The following FGF13 variants were observed in gnomAD, a reference collection of about 807,000 sequenced individuals.
The protein encoded by FGF13 is fibroblast growth factor 13.
FGF13 carries 2 observed loss-of-function variants against 19.5 expected under a neutral mutation model. The observed-to-expected ratio is 0.10, with a 90% CI of 0.04 to 0.32. The LOEUF (loss-of-function observed/expected upper bound fraction) is 0.32. Among genes scored for constraint, FGF13 ranks in the 10% least tolerant of loss-of-function variants. The pLI, the probability that FGF13 is intolerant of heterozygous loss-of-function variation, is 1.00. For synonymous variants in FGF13, 72 were observed against 76.9 expected (o/e 0.94, Z 0.33); for missense variants, 113 against 192.7 (o/e 0.59, Z 2.45).
intron 3 of FGF13, chrX:138,806,748 T>C (rs2090871278): frequency 9.0e-6 from 1 of 110,894 alleles, no homozygotes; most frequent in South Asian, 3.9e-4. Context: ...GACAGAAGGA[T>C]GAAGTTCATC....
At position 138,814,972 on chromosome X, in the gene FGF13, A is replaced by C. The variant is rs137888683; in HGVS notation, c.217+42540T>G. Among the ~76,000 whole-genome samples, 86 of 111,862 alleles carry C rather than the reference A, an allele frequency of 7.7e-4. No individual in the cohort carries two copies. The East Asian group carries it at 0.021, about 27-fold the overall frequency. On this transcript the variant is annotated intron_variant, in intron 3 of 6. Transcript: ENST00000436198. ...ATCAGTGGGTGAATGGATACATAAAATGTGGTCTATATACACAATGAAACA... is the reference window on the plus strand; with the variant it reads ...ATCAGTGGGTGAATGGATACATAAACTGTGGTCTATATACACAATGAAACA...
intron 3 of FGF13, among the ~76,000 whole-genome samples, chrX:138,636,849 T>C (rs1033938302): frequency 1.8e-5 from 2 of 111,891 alleles, no homozygotes; most frequent in Admixed American, 9.5e-5. Context: ...ATTTTTCATA[T>C]TGGATACCAT....
intron 3 of FGF13, among the ~76,000 whole-genome samples, chrX:138,789,331 G>C (rs911901472): frequency 7.5e-5 from 8 of 106,491 alleles, no homozygotes; most frequent in Non-Finnish European, 1.5e-4. Flanking sequence ...ACTACCCTCA[G>C]CTAATTTCCG....
At chrX:138,663,921 T>A in intron 3 of FGF13, among the ~76,000 whole-genome samples, 1 of 111,593 alleles carries the variant, frequency 9.0e-6, no homozygotes, top group Admixed American at 9.5e-5. Context: ...TCTAAAGTCA[T>A]GGTGGGGAAT....
At position 139,073,201 on chromosome X, in the gene FGF13, T is replaced by C. The variant is rs765668695; in HGVS notation, c.-113+130215A>G. Among the ~76,000 whole-genome samples the C allele has an allele frequency of 6.5e-5, 7 of 106,968 alleles. No homozygotes were observed. In the East Asian group the frequency reaches 2.1e-3, roughly 32 times the overall value. 92.9% of individuals were successfully genotyped at this position (106,968 alleles called of 115,157 possible). A position where few individuals can be genotyped will look rare whatever the true frequency, so the allele number is the denominator to read the frequency against. On this transcript the variant is annotated intron_variant, in intron 1 of 2. Coordinates refer to the FGF13 transcript ENST00000421460. ...CCCATGGGGTTTGTAATTTGAGTTT[T>C]CTATACTTTTCTCTACAAAACTCAC...
intron 1 of FGF13, among the ~76,000 whole-genome samples, chrX:139,084,181 A>G (rs1283717940): frequency 1.8e-5 from 2 of 110,746 alleles, no homozygotes; most frequent in Admixed American, 1.9e-4. Context: ...AAAAGAAAAT[A>G]AAACAGGAGG....
At chrX:139,100,359 G>A (rs943645014) in intron 1 of FGF13, among the ~76,000 whole-genome samples, 2 of 110,027 alleles carry the variant, frequency 1.8e-5, no homozygotes, top group Admixed American at 2.0e-4. Context: ...TGGTGGGAGA[G>A]AGAGAGGAGG....
intron 3 of FGF13, among the ~76,000 whole-genome samples, chrX:138,638,556 G>A (rs777654016): frequency 4.5e-5 from 5 of 111,691 alleles, no homozygotes; most frequent in African/African-American, 1.3e-4. Flanking sequence ...AGCTCCAGAT[G>A]GTAGGGAACT....
intron 1 of FGF13, among the ~76,000 whole-genome samples, chrX:139,191,655 G>A (rs2084330159): frequency 9.0e-6 from 1 of 111,316 alleles, no homozygotes; most frequent in African/African-American, 3.3e-5. Context: ...GAAGGGGTGG[G>A]GGTGCACCTA....
At chrX:139,187,581 C>A (rs1007408190) in intron 1 of FGF13, among the ~76,000 whole-genome samples, 2 of 111,507 alleles carry the variant, frequency 1.8e-5, no homozygotes, top group African/African-American at 6.5e-5. Context: ...CCTGAGGCCT[C>A]TAATCTTAGC....
At chrX:138,686,386 A>G (rs1225866189) in intron 3 of FGF13, among the ~76,000 whole-genome samples, 1 of 112,037 alleles carries the variant, frequency 8.9e-6, no homozygotes. Flanking sequence ...TGTGCCAGAA[A>G]TGAACAATTT....
chrX:138,812,666 T>A (rs1258721346), intron 3 of FGF13, among the ~76,000 whole-genome samples: 1 of 111,787 alleles, frequency 8.9e-6, no homozygotes, highest in Non-Finnish European at 1.9e-5. Flanking sequence ...TTACACATGT[T>A]TTTACATGAA....
intron 1 of FGF13, among the ~76,000 whole-genome samples, chrX:138,916,054 T>G (rs1205790078): frequency 8.9e-6 from 1 of 111,953 alleles, no homozygotes; most frequent in Non-Finnish European, 1.9e-5. Flanking sequence ...GTTTGGGTAA[T>G]TTCTTTTTCA....
At chrX:138,660,885 G>A (rs990156107) in intron 3 of FGF13, among the ~76,000 whole-genome samples, 1 of 111,396 alleles carries the variant, frequency 9.0e-6, no homozygotes. Flanking sequence ...ACAGTTGGGG[G>A]AATTACACAG....
At chrX:139,034,031 T>C (rs1159887900) in intron 1 of FGF13, among the ~76,000 whole-genome samples, 1 of 111,733 alleles carries the variant, frequency 8.9e-6, no homozygotes, top group Non-Finnish European at 1.9e-5. Context: ...GGCGTCCTTC[T>C]CTAAAAATGA....
At chrX:139,102,396 C>G (rs1318714968) in intron 1 of FGF13, among the ~76,000 whole-genome samples, 1 of 111,504 alleles carries the variant, frequency 9.0e-6, no homozygotes, top group African/African-American at 3.3e-5. Context: ...AAGTCATTGT[C>G]AGCACAGCAT....
intron 1 of FGF13, among the ~76,000 whole-genome samples, chrX:138,905,993 A>C (rs2091556381): frequency 9.0e-6 from 1 of 111,620 alleles, no homozygotes; most frequent in Non-Finnish European, 1.9e-5. Context: ...GCAGATGGAA[A>C]TGAAACATCC....
chrX:138,897,915 GA>G (rs1407212898), intron 1 of FGF13, among the ~76,000 whole-genome samples: 1 of 111,243 alleles, frequency 9.0e-6, no homozygotes, highest in Non-Finnish European at 1.9e-5. Context: ...TTATCTTGAT[GA>G]GGTCAAATAT....
chrX:138,758,697 C>CA (rs1040333840), intron 3 of FGF13, among the ~76,000 whole-genome samples: 7 of 111,112 alleles, frequency 6.3e-5, no homozygotes, highest in African/African-American at 2.3e-4. Flanking sequence ...TGCTTTTCAG[C>CA]AAAAAAAGAG....
Sources: gnomAD v4.1 joint callset for allele counts (sites outside exome capture counted in the v4.1 genomes callset) on GRCh38, gnomAD v4.1.1 for gene constraint, MANE v1.5 for transcripts, NCBI Gene and HGNC (gene_info 2026-07-23, HGNC 2026-07-21) for gene names.